DNER: variants seen among roughly 807,000 people sequenced by gnomAD.
DNER encodes the protein delta/notch like EGF repeat containing.
A neutral mutation model predicts 78.2 loss-of-function variants in DNER; 33 were observed. The ratio of observed to expected loss-of-function variants is 0.42; its 90% CI spans 0.32 to 0.56. DNER has a LOEUF of 0.56. Among genes scored for constraint, DNER ranks in the 20% least tolerant of loss-of-function variants. DNER has a pLI of 0.11. For synonymous variants in DNER, 417 were observed against 384.8 expected (o/e 1.08, Z -0.98); for missense variants, 918 against 975.3 (o/e 0.94, Z 0.78).
intron 11 of DNER, among the ~76,000 whole-genome samples, chr2:229,383,973 CT>C (rs1376091116): frequency 6.6e-6 from 1 of 152,186 alleles, no homozygotes; most frequent in Non-Finnish European, 1.5e-5. Context: ...CTCAGCACCA[CT>C]TCGCACTTAT....
At chr2:229,429,692 A>G (rs891373456) in intron 8 of DNER, among the ~76,000 whole-genome samples, 1 of 152,206 alleles carries the variant, frequency 6.6e-6, no homozygotes, top group Admixed American at 6.5e-5. Flanking sequence ...ACCGCTTACT[A>G]GAGAAGCACA....
At chr2:229,607,952 G>T (rs901835826) in intron 1 of DNER, among the ~76,000 whole-genome samples, 5 of 145,426 alleles carry the variant, frequency 3.4e-5, no homozygotes, top group Non-Finnish European at 7.4e-5. Context: ...AACCCAGGAG[G>T]CAGAGTTTGC....
At chr2:229,430,995 T>C (rs1172717418) in intron 8 of DNER, among the ~76,000 whole-genome samples, 8 of 152,076 alleles carry the variant, frequency 5.3e-5, no homozygotes, top group Non-Finnish European at 1.0e-4. Context: ...ACAGACATTA[T>C]AATAAACGCA....
intron 1 of DNER, among the ~76,000 whole-genome samples, chr2:229,647,614 T>C (rs1698741358): frequency 6.6e-6 from 1 of 152,264 alleles, no homozygotes. Flanking sequence ...CAGTTGTGGA[T>C]ATCCACATCC....
chr2:229,645,360 G>C (rs1698699269), intron 1 of DNER, among the ~76,000 whole-genome samples: 1 of 152,132 alleles, frequency 6.6e-6, no homozygotes, highest in Admixed American at 6.6e-5. Context: ...CAGAATATTT[G>C]CTACTAACGT....
chr2:229,591,181 G>A lies in DNER; in HGVS notation c.585+399C>T, dbSNP rs1447204640. On this transcript the variant is annotated intron_variant, in intron 2 of 12. Coordinates refer to ENST00000341772, the MANE Select transcript of DNER (RefSeq NM_139072.4). The surrounding 1 kb of genome is among the most constrained non-coding windows in gnomAD (Gnocchi z 4.6). The stretch of plus-strand genomic sequence containing the variant: ...AAGAATGGACCAATACTGTGTGTTG[G>A]TTATAAGCAACCCAGTTTGTGGCAT... Among the ~76,000 whole-genome samples, 1 of 152,152 alleles carries A rather than the reference G, an allele frequency of 6.6e-6. No homozygotes were observed. The highest frequency in any genetic ancestry group is 1.9e-4 in the East Asian group (1 of 5,188).
At chr2:229,415,135 C>G (rs1217316410) in intron 9 of DNER, among the ~76,000 whole-genome samples, 2 of 150,414 alleles carry the variant, frequency 1.3e-5, no homozygotes, top group South Asian at 4.3e-4. Flanking sequence ...GCACTCCAGC[C>G]TGGGCAATGA....
At chr2:229,628,966 C>T (rs1698391365) in intron 1 of DNER, among the ~76,000 whole-genome samples, 1 of 152,184 alleles carries the variant, frequency 6.6e-6, no homozygotes, top group Middle Eastern at 3.2e-3. Context: ...TACCAACACC[C>T]CCTCACCCTG....
At chr2:229,671,967 C>G (rs1699216708) in intron 1 of DNER, among the ~76,000 whole-genome samples, 1 of 152,154 alleles carries the variant, frequency 6.6e-6, no homozygotes, top group Non-Finnish European at 1.5e-5. Flanking sequence ...GAGGGTAGGA[C>G]AAGTTTGCCA....
In DNER at chr2:229,367,014, A is replaced by T; in HGVS notation, c.1961T>A (p.Leu654Gln). The part of the protein sequence containing the change: ...GALCVAFILM[L>Q]IILIVGICRI... ...GCAAATCCCCACGATCAGGATGATC[A>T]GCATAAGGATGAAGGCCACGCAGAG... Residue 654 changes from leucine (L) to glutamine (Q), a missense_variant, in exon 12 of 13, where the codon CTG becomes CAG. Coordinates refer to ENST00000341772, the MANE Select transcript of DNER (RefSeq NM_139072.4). The T allele has an allele frequency of 6.2e-7, 1 of 1,614,110 alleles. No homozygotes were observed. Among genetic ancestry groups the T allele is most frequent in the East Asian group, 2.2e-5 (1 of 44,866 alleles).
intron 7 of DNER, among the ~76,000 whole-genome samples, chr2:229,452,192 G>A (rs1187562777): frequency 6.6e-6 from 1 of 152,168 alleles, no homozygotes; most frequent in Non-Finnish European, 1.5e-5. Context: ...GTTGAGACCG[G>A]AAGCATGAAA....
At chr2:229,544,585 G>T (rs1812059) in intron 5 of DNER, among the ~76,000 whole-genome samples, 37,459 of 149,774 alleles carry the variant, frequency 0.25, 6,083 homozygotes, top group African/African-American at 0.45. Flanking sequence ...CAGGCTGGAG[G>T]CCAATGGCAC....
chr2:229,546,782 T>G (rs949259067), intron 5 of DNER, among the ~76,000 whole-genome samples, 165 bp downstream of exon 5: 1 of 147,406 alleles, frequency 6.8e-6, no homozygotes. Context: ...GACAGACAGA[T>G]AGACAGATAG....
chr2:229,373,765 AAG>A (rs1451465816), intron 11 of DNER, among the ~76,000 whole-genome samples: 1 of 152,218 alleles, frequency 6.6e-6, no homozygotes, highest in Non-Finnish European at 1.5e-5. Context: ...GCCATAAAAA[AAG>A]AGTGAAATCA....
intron 1 of DNER, among the ~76,000 whole-genome samples, chr2:229,602,397 T>C (rs1216678937): frequency 3.9e-5 from 6 of 152,108 alleles, no homozygotes; most frequent in Non-Finnish European, 8.8e-5. Context: ...TGGTGAAAGG[T>C]AGAACAGTTT....
At chr2:229,633,951 G>A (rs1698483973) in intron 1 of DNER, among the ~76,000 whole-genome samples, 1 of 152,178 alleles carries the variant, frequency 6.6e-6, no homozygotes, top group African/African-American at 2.4e-5. Flanking sequence ...AAGCACATAG[G>A]CAACTGGCTT....
At chr2:229,500,484 A>G (rs1695595998) in intron 6 of DNER, among the ~76,000 whole-genome samples, 1 of 152,198 alleles carries the variant, frequency 6.6e-6, no homozygotes, top group Admixed American at 6.5e-5. Context: ...AAGTTCCTCA[A>G]AAAACTAAAA....
At chr2:229,523,853 C>T (rs1470414459) in intron 5 of DNER, among the ~76,000 whole-genome samples, 2 of 152,216 alleles carry the variant, frequency 1.3e-5, no homozygotes, top group African/African-American at 4.8e-5. Flanking sequence ...TGTGCAGATG[C>T]ATGAAACATA....
chr2:229,648,446 TCTGA>T (rs1199124402), intron 1 of DNER, among the ~76,000 whole-genome samples: 7 of 152,224 alleles, frequency 4.6e-5, no homozygotes, highest in African/African-American at 1.7e-4. Flanking sequence ...TGTTCTGCAT[TCTGA>T]CTATTTAGAG....
Sources: gnomAD v4.1 joint callset for allele counts (sites outside exome capture counted in the v4.1 genomes callset) on GRCh38, gnomAD v4.1.1 for gene constraint, Gnocchi (gnomAD v3.1) non-coding constraint, MANE v1.5 for transcripts, NCBI Gene and HGNC (gene_info 2026-07-23, HGNC 2026-07-21) for gene names.